The following ADGRB1 variants were observed in gnomAD, a reference collection of about 807,000 sequenced individuals.
The protein encoded by ADGRB1 is brain-specific angiogenesis inhibitor 1.
A neutral mutation model predicts 175.7 loss-of-function variants in ADGRB1; 36 were observed. The observed-to-expected ratio is 0.20, with a 90% CI of 0.16 to 0.27. ADGRB1 has a LOEUF of 0.27. Among genes scored for constraint, ADGRB1 ranks in the 10% least tolerant of loss-of-function variants. ADGRB1 has a pLI of 1.00. For missense variants in ADGRB1, 1,731 were observed against 2,255.3 expected, an observed-to-expected ratio of 0.77 and a Z score of 4.71; for synonymous variants, 1,054 against 979.4, an observed-to-expected ratio of 1.08 and a Z score of -1.42.
intron 27 of ADGRB1, among the ~76,000 whole-genome samples, chr8:142,540,240 T>A (rs1845184730): frequency 6.6e-6 from 1 of 152,140 alleles, no homozygotes; most frequent in African/African-American, 2.4e-5. Context: ...CTGGTGCCAG[T>A]TGGGCCCCAG....
At chr8:142,478,391 G>T (rs768760034) in intron 7 of ADGRB1, 31 bp downstream of exon 7, 14 of 1,557,884 alleles carry the variant, frequency 9.0e-6, no homozygotes, top group African/African-American at 1.4e-5. Context: ...GGGTCGGGGG[G>T]CACCTAACAA....
intron 19 of ADGRB1, among the ~76,000 whole-genome samples, chr8:142,520,391 T>G (rs1587401332): frequency 1.6e-4 from 13 of 80,940 alleles, no homozygotes; most frequent in East Asian, 4.4e-4. Context: ...GTGATGGTAG[T>G]GATTGTGATG....
intron 1 of ADGRB1, among the ~76,000 whole-genome samples, chr8:142,454,528 C>T (rs923409257): frequency 6.6e-6 from 1 of 152,160 alleles, no homozygotes; most frequent in Non-Finnish European, 1.5e-5. Flanking sequence ...CTACAGACCG[C>T]ACGATCCAGA....
intron 19 of ADGRB1, among the ~76,000 whole-genome samples, chr8:142,518,465 A>G (rs1843579825): frequency 1.3e-5 from 2 of 152,124 alleles, no homozygotes; most frequent in South Asian, 4.1e-4. Context: ...CATGCCGCAC[A>G]AACACAGGGG....
At chr8:142,484,122 G>T in intron 12 of ADGRB1, 77 bp downstream of exon 12, 2 of 1,364,862 alleles carry the variant, frequency 1.5e-6, no homozygotes, top group South Asian at 2.6e-5. Flanking sequence ...GTCTCCAGTC[G>T]GCCTGGGGTG....
chr8:142,528,410 C>A (rs898902114), intron 24 of ADGRB1, among the ~76,000 whole-genome samples: 1 of 152,194 alleles, frequency 6.6e-6, no homozygotes, highest in Non-Finnish European at 1.5e-5. Flanking sequence ...TGGCTGAGAG[C>A]CCCCAGGACC....
chr8:142,467,059 C>T (rs184908258), intron 2 of ADGRB1, among the ~76,000 whole-genome samples: 69 of 152,290 alleles, frequency 4.5e-4, no homozygotes, highest in African/African-American at 1.2e-3. Flanking sequence ...AAAGAGCTGG[C>T]GGGACAGACG....
At chr8:142,463,655 G>A (rs1427515315) in intron 1 of ADGRB1, among the ~76,000 whole-genome samples, 2 of 152,234 alleles carry the variant, frequency 1.3e-5, no homozygotes, top group African/African-American at 2.4e-5. Context: ...CGGGAGCCAC[G>A]CCAGGCTGCG....
chr8:142,516,431 G>A (rs1429193607), intron 18 of ADGRB1, among the ~76,000 whole-genome samples: 1 of 144,668 alleles, frequency 6.9e-6, no homozygotes, highest in African/African-American at 2.6e-5. Context: ...GTGTGCGTGT[G>A]TGCGGGCCCC....
chr8:142,521,214 T>C (rs1258559054), intron 20 of ADGRB1, among the ~76,000 whole-genome samples: 2 of 152,158 alleles, frequency 1.3e-5, no homozygotes, highest in Non-Finnish European at 2.9e-5. Context: ...CTGTGGGCAG[T>C]GGACTCGGCC....
intron 2 of ADGRB1, among the ~76,000 whole-genome samples, chr8:142,470,513 T>A (rs892253794): frequency 6.0e-5 from 9 of 151,224 alleles, no homozygotes; most frequent in Admixed American, 5.9e-4. Context: ...TGTGTCCCTG[T>A]GTGTGTGTCC....
chr8:142,505,864 T>A (rs1842823122), intron 17 of ADGRB1, among the ~76,000 whole-genome samples: 2 of 152,102 alleles, frequency 1.3e-5, no homozygotes, highest in African/African-American at 4.8e-5. Context: ...CTCCATGCAT[T>A]TTCAGATAAA....
Position 142,524,131 on chromosome 8 carries a change from T to C in ADGRB1, c.3246-107T>C. 3 of 1,288,342 alleles carry C rather than the reference T, an allele frequency of 2.3e-6. No individual in the cohort carries two copies. The Admixed American group carries it at 6.0e-5, about 26-fold the overall frequency. The allele number at this position is 1,288,342 out of a possible 1,614,324, so 79.8% of individuals were successfully genotyped here. ...GCCGAAGGCGCTTAATAAGTGCCAG[T>C]TTTCTTCTGCCACTTCCCAGCTCAC... On this transcript the variant is annotated intron_variant, in intron 22 of 30. Transcript: ENST00000517894.
At chr8:142,453,212 C>A (rs1317298217) in intron 1 of ADGRB1, among the ~76,000 whole-genome samples, 3 of 152,148 alleles carry the variant, frequency 2.0e-5, no homozygotes, top group Non-Finnish European at 4.4e-5. Flanking sequence ...CACGTGCGTG[C>A]CCGTCCGGGA....
intron 21 of ADGRB1, 68 bp from the exon 22 acceptor site, chr8:142,522,573 C>T (rs562276019): frequency 6.2e-6 from 9 of 1,452,136 alleles, no homozygotes; most frequent in Non-Finnish European, 7.5e-6. Flanking sequence ...CACGGCAGGG[C>T]TAGGAGGAGG....
At position 142,475,634 on chromosome 8, in the gene ADGRB1, C is replaced by T. The variant is rs1840917409; in HGVS notation, c.945C>T (p.Gly315=). The change falls in exon 3 of 31, where the codon GGC becomes GGT. Residue 315 remains glycine, a splice_region_variant and synonymous_variant. Coordinates refer to ENST00000517894, the MANE Select transcript of ADGRB1 (RefSeq NM_001702.3). ...EGRQCNREAC[G]PAGRTSSRSQ... ...GCCAGTGCAACCGCGAGGCCTGCGGCCGTGAGTGCGGGCGGGGCGGGGCGG... is the reference window on the plus strand; with the variant it reads ...GCCAGTGCAACCGCGAGGCCTGCGGTCGTGAGTGCGGGCGGGGCGGGGCGG... 1 of 1,227,672 alleles carries T rather than the reference C, an allele frequency of 8.1e-7. No homozygotes were observed. The highest frequency in any genetic ancestry group is 4.1e-5 in the South Asian group (1 of 24,294). 76.0% of individuals were successfully genotyped at this position (1,227,672 alleles called of 1,614,324 possible).
chr8:142,528,161 A>G (rs1844332734), intron 24 of ADGRB1, among the ~76,000 whole-genome samples: 2 of 152,216 alleles, frequency 1.3e-5, no homozygotes, highest in African/African-American at 4.8e-5. Flanking sequence ...GGGCATACAC[A>G]TGCCACGAGG....
chr8:142,542,495 C>A lies in ADGRB1; in HGVS notation c.4261C>A (p.Pro1421Thr). ...PPPPPPPPPP[P>T]PQQPLPPPPN... Reference sequence around the variant, plus strand: ...ACCGCCTCCGCCCCCACCGCCACCACCTCCCCAGCAGCCCCTGCCCCCACC... The same window carrying A: ...ACCGCCTCCGCCCCCACCGCCACCAACTCCCCAGCAGCCCCTGCCCCCACC... The change falls in exon 28 of 31, where the codon CCT (proline) becomes ACT (threonine). Residue 1421 changes from proline (P) to threonine (T), a missense_variant. By Grantham distance (38) the Pro-to-Thr change is conservative (BLOSUM62 -1). Around this residue, in one of 8 missense-constraint regions of ADGRB1, gnomAD observed 394 missense variants for 410.2 expected, o/e 0.96. Transcript: ENST00000517894. The surrounding 1 kb of genome is among the most constrained non-coding windows in gnomAD (Gnocchi z 6.3). The A allele has an allele frequency of 7.4e-7, 1 of 1,355,542 alleles. No individual in the cohort carries two copies. 84.0% of individuals were successfully genotyped at this position (1,355,542 alleles called of 1,614,324 possible).
intron 19 of ADGRB1, 86 bp from the exon 20 acceptor site, chr8:142,520,737 C>T: frequency 8.5e-7 from 1 of 1,178,646 alleles, no homozygotes; most frequent in Non-Finnish European, 1.3e-6. Context: ...TGGGGTGGGG[C>T]TCTGGTCTTG....
Sources: gnomAD v4.1 joint callset for allele counts (sites outside exome capture counted in the v4.1 genomes callset) on GRCh38, gnomAD v4.1.1 for gene constraint, gnomAD v4.1.1 regional missense constraint, Gnocchi (gnomAD v3.1) non-coding constraint, MANE v1.5 for transcripts, NCBI Gene and HGNC (gene_info 2026-07-23, HGNC 2026-07-21) for gene names.